DNAH17: variants seen among roughly 807,000 people sequenced by gnomAD.
DNAH17 encodes axonemal beta dynein heavy chain 17.
DNAH17 carries 376 observed loss-of-function variants against 485.6 expected under a neutral mutation model. The observed-to-expected ratio is 0.77, with a 90% CI of 0.71 to 0.84. The LOEUF is 0.84. DNAH17 is among the 40% of genes least tolerant of loss of function. The pLI is 0.00. For synonymous variants in DNAH17, 3,031 were observed against 2,405.9 expected (o/e 1.26, Z -7.60); for missense variants, 6,370 against 5,839.3 (o/e 1.09, Z -2.96).
At chr17:78,432,220 A>G in intron 75 of DNAH17, among the ~76,000 whole-genome samples, 1 of 149,322 alleles carries the variant, frequency 6.7e-6, no homozygotes, top group African/African-American at 2.5e-5. Flanking sequence ...AATAAAAATT[A>G]AAAAAAAAAT....
chr17:78,488,398 C>T (rs1253452692), intron 44 of DNAH17, among the ~76,000 whole-genome samples: 1 of 152,214 alleles, frequency 6.6e-6, no homozygotes, highest in Non-Finnish European at 1.5e-5. Context: ...ACTCAGGTCT[C>T]CTCCTCCTGC....
chr17:78,507,798 T>C lies in DNAH17; in HGVS notation c.4244A>G (p.Lys1415Arg). Residue 1415 changes from lysine to arginine, a missense_variant, in exon 28 of 81, where the codon AAA becomes AGA. Lys to Arg is a conservative substitution (Grantham distance 26, BLOSUM62 2). Transcript: ENST00000389840. ...VKESGMEKVL[K>R]ALDSTWSMME... The stretch of plus-strand genomic sequence containing the variant: ...CATGCTCCAGGTACTGTCCAGGGCT[T>C]TCAGCACCTTTTGGGGGAACAGAAA... 6.4e-7 allele frequency: 1 copy of C among 1,564,778 alleles called. No homozygotes were observed. Among genetic ancestry groups the C allele is most frequent in the East Asian group, 2.3e-5 (1 of 43,306 alleles).
intron 17 of DNAH17, among the ~76,000 whole-genome samples, chr17:78,543,287 G>GTATTTTTTTTTTTTTTT (rs1200669389): frequency 7.9e-5 from 11 of 139,266 alleles, no homozygotes; most frequent in African/African-American, 2.7e-4. Context: ...GTTAATTTTT[G>GTATTTTTTTTTTTTTTT]TTTTTTTTTT....
chr17:78,561,268 G>A (rs1372601087), intron 12 of DNAH17, among the ~76,000 whole-genome samples: 11 of 150,114 alleles, frequency 7.3e-5, no homozygotes, highest in South Asian at 2.2e-4. Context: ...AAGCAAATAC[G>A]CCCCCCAAAC....
intron 65 of DNAH17, among the ~76,000 whole-genome samples, chr17:78,452,601 G>C (rs773718701): frequency 3.9e-5 from 6 of 152,306 alleles, no homozygotes; most frequent in Non-Finnish European, 8.8e-5. Flanking sequence ...AGCTGGGCAC[G>C]TTGGTGTGTT....
At chr17:78,486,538 C>A in intron 44 of DNAH17, 32 bp from the exon 45 acceptor site, 1 of 1,573,316 alleles carries the variant, frequency 6.4e-7, no homozygotes, top group Non-Finnish European at 8.6e-7. Flanking sequence ...GATGACACAG[C>A]CGCTGCTCTG....
Position 78,510,397 on chromosome 17 carries a change from G to A in DNAH17, c.4223C>T (p.Ser1408Leu), listed in dbSNP as rs768942028. The A allele has an allele frequency of 4.3e-6, 7 of 1,612,786 alleles. No homozygotes were observed. Among genetic ancestry groups the A allele is most frequent in the East Asian group, 2.2e-5 (1 of 44,862 alleles). The change falls in exon 27 of 81, where the codon TCG (serine) becomes TTG (leucine). Residue 1408 changes from serine (S) to leucine (L), a missense_variant. Coordinates refer to ENST00000389840, the MANE Select transcript of DNAH17 (RefSeq NM_173628.4). ...RNIVDKAVKESGMEKVLKALD... is the reference protein window; with the variant it reads ...RNIVDKAVKELGMEKVLKALD... Reference sequence around the variant, plus strand: ...AGCACGGCCTACCTTTTCCATGCCCGACTCCTTCACGGCCTTGTCCACGAT... The same window carrying A: ...AGCACGGCCTACCTTTTCCATGCCCAACTCCTTCACGGCCTTGTCCACGAT...
rs761007155 is a variant in DNAH17 at position 78,566,715 on chromosome 17, A to T, written c.1468T>A (p.Tyr490Asn). 6 of 1,603,360 alleles carry T rather than the reference A, an allele frequency of 3.7e-6. No individual in the cohort carries two copies. Among genetic ancestry groups the T allele is most frequent in the Non-Finnish European group, 5.1e-6 (6 of 1,174,804 alleles). The change falls in exon 11 of 81, where the codon TAT (tyrosine) becomes AAT (asparagine). Residue 490 changes from tyrosine (Y) to asparagine (N), a missense_variant. Physicochemically the swap from Tyr to Asn is moderately radical, Grantham distance 143. Coordinates refer to ENST00000389840, the MANE Select transcript of DNAH17 (RefSeq NM_173628.4). ...TGGATTTTGATCTCAAAATCAGCAT[A>T]ATCACGGTCAAAATTCTAAAAGCAA... ...DPGDSNFDRD[Y>N]ADFEIKIQDL...
rs750422154 is a variant in DNAH17, at chr17:78,463,043, G to C, written c.8975C>G (p.Ser2992Cys). Residue 2992 changes from serine to cysteine, a missense_variant, in exon 57 of 81, where the codon TCC becomes TGC. Transcript: ENST00000389840. The part of the protein sequence containing the change: ...EVKASISFFM[S>C]YVHTTVNEMS... ...CTCGTTGACGGTGGTGTGCACGTAG[G>C]ACATGAAGAAGCTGATGGAGGCCTT... 5 of 1,613,878 alleles carry C rather than the reference G, an allele frequency of 3.1e-6. No homozygotes were observed. The highest frequency in any genetic ancestry group is 4.2e-6 in the Non-Finnish European group (5 of 1,179,872).
chr17:78,564,090 G>T (rs2092217140), intron 11 of DNAH17, among the ~76,000 whole-genome samples: 1 of 152,186 alleles, frequency 6.6e-6, no homozygotes, highest in African/African-American at 2.4e-5. Flanking sequence ...CCATTCTGCA[G>T]AGGTCGGGTT....
Position 78,458,601 on chromosome 17 carries a change from G to T in DNAH17, c.9941C>A (p.Ala3314Asp). ...TAAGATCACCCTGTTCGTGGCATCG[G>T]CCTCTTGCTGACACTTGATTTTCTC... Reference protein sequence around the residue: ...TAEKIKCQQEADATNRVILLA... With the variant: ...TAEKIKCQQEDDATNRVILLA... Residue 3314 changes from alanine (A) to aspartate (D), a missense_variant, in exon 62 of 81, where the codon GCC becomes GAC. Transcript: ENST00000389840. 2 of 1,614,006 alleles carry T rather than the reference G, an allele frequency of 1.2e-6. No individual in the cohort carries two copies. The highest frequency in any genetic ancestry group is 8.5e-7 in the Non-Finnish European group (1 of 1,179,888).
At chr17:78,458,761 T>G in intron 61 of DNAH17, 81 bp from the exon 62 acceptor site, 1 of 1,312,924 alleles carries the variant, frequency 7.6e-7, no homozygotes, top group Non-Finnish European at 1.1e-6. Flanking sequence ...GGCTGGGCCC[T>G]GTGAGCGCTG....
chr17:78,566,956 T>C lies in DNAH17; in HGVS notation c.1452+43A>G, dbSNP rs75660520. 3.5e-3 allele frequency: 5,446 copies of C among 1,578,056 alleles called. 166 individuals carry two copies. The African/African-American group carries it at 0.062, about 18-fold the overall frequency. ...TAAGCTGGTACCGAGGCTGGTGCTG[T>C]TCTCACCGAGTCCAGTTCATCCAAC... On this transcript the variant is annotated intron_variant, in intron 10 of 80. Coordinates refer to ENST00000389840, the MANE Select transcript of DNAH17 (RefSeq NM_173628.4).
chr17:78,528,416 G>A (rs760695020), intron 22 of DNAH17, among the ~76,000 whole-genome samples: 2 of 152,096 alleles, frequency 1.3e-5, no homozygotes, highest in Non-Finnish European at 2.9e-5. Flanking sequence ...CACCATGCCT[G>A]GCTAATTTTT....
At chr17:78,541,244 GGGGTGAGCAGA>G (rs2091571331) in intron 17 of DNAH17, among the ~76,000 whole-genome samples, 1 of 34,974 alleles carries the variant, frequency 2.9e-5, no homozygotes, top group Non-Finnish European at 5.0e-5. Context: ...GGTGGGTGGG[GGGGTGAGCAGA>G]TGGGTGGGGG....
Position 78,475,232 on chromosome 17 carries a change from C to T in DNAH17, c.8511+46G>A. The T allele has an allele frequency of 1.9e-6, 3 of 1,598,348 alleles. No individual in the cohort carries two copies. In the East Asian group the frequency reaches 6.7e-5, roughly 36 times the overall value. On this transcript the variant is annotated intron_variant, in intron 54 of 80. Transcript: ENST00000389840. ...AAGGGAGTGAAGTTTTTCTTTACTC[C>T]CTGACCCTACCCTGAAAGGCAGCCT... is the stretch of plus-strand genomic sequence containing the variant.
intron 66 of DNAH17, 74 bp from the exon 67 acceptor site, chr17:78,450,920 C>T: frequency 2.6e-6 from 4 of 1,565,076 alleles, no homozygotes; most frequent in Non-Finnish European, 2.6e-6. Context: ...CCTCAGGTGG[C>T]CATGTAGCTG....
At chr17:78,554,999 G>A (rs1160177406) in intron 14 of DNAH17, among the ~76,000 whole-genome samples, 3 of 152,036 alleles carry the variant, frequency 2.0e-5, no homozygotes, top group Admixed American at 1.3e-4. Context: ...CACCCACCTC[G>A]GCCTCCCAAA....
chr17:78,505,755 G>C (rs532998093), intron 30 of DNAH17, among the ~76,000 whole-genome samples: 5 of 152,116 alleles, frequency 3.3e-5, no homozygotes, highest in Non-Finnish European at 7.4e-5. Flanking sequence ...GAGGCAGGTG[G>C]ATCACCCGAG....
Sources: gnomAD v4.1 joint callset for allele counts (sites outside exome capture counted in the v4.1 genomes callset) on GRCh38, gnomAD v4.1.1 for gene constraint, MANE v1.5 for transcripts, NCBI Gene and HGNC (gene_info 2026-07-23, HGNC 2026-07-21) for gene names.